Variants in MCC observed in about 807,000 individuals in gnomAD.
MCC encodes MCC regulator of Wnt signaling pathway.
Under a neutral mutation model 116.2 loss-of-function variants are expected in MCC, and 90 were observed. The observed-to-expected ratio is 0.77, with a 90% CI of 0.65 to 0.92. The LOEUF is 0.92. MCC is among the 40% of genes least tolerant of loss of function. The pLI, the probability that MCC is intolerant of heterozygous loss-of-function variation, is 0.00. For missense variants in MCC, 1,516 were observed against 1,312.2 expected (o/e 1.16, Z -2.40); for synonymous variants, 578 against 510.5 (o/e 1.13, Z -1.78).
intron 11 of MCC, among the ~76,000 whole-genome samples, chr5:113,071,730 G>A (rs971928630): frequency 2.0e-5 from 3 of 152,188 alleles, no homozygotes; most frequent in African/African-American, 7.2e-5. Flanking sequence ...GGAAATGGAG[G>A]TCCAGAAACA....
intron 16 of MCC, among the ~76,000 whole-genome samples, chr5:113,045,746 C>G (rs1025652287): frequency 2.0e-5 from 3 of 149,590 alleles, no homozygotes; most frequent in African/African-American, 7.4e-5. Flanking sequence ...CTGCTGTGAG[C>G]TGAGATCGCA....
At chr5:113,147,799 G>A (rs1210553695) in intron 4 of MCC, among the ~76,000 whole-genome samples, 2 of 152,274 alleles carry the variant, frequency 1.3e-5, no homozygotes, top group Admixed American at 1.3e-4. Flanking sequence ...ACGAATAGGA[G>A]AGGAATGGAA....
chr5:113,163,264 A>G (rs1194438202), intron 3 of MCC, among the ~76,000 whole-genome samples: 3 of 152,252 alleles, frequency 2.0e-5, no homozygotes, highest in African/African-American at 7.2e-5. Flanking sequence ...AAGCAAGGAC[A>G]CACACAAAGG....
At chr5:113,252,254 G>C (rs956508392) in intron 3 of MCC, among the ~76,000 whole-genome samples, 5 of 152,150 alleles carry the variant, frequency 3.3e-5, no homozygotes, top group Non-Finnish European at 7.3e-5. Flanking sequence ...CGGGCCCACA[G>C]ATCTGGTACG....
intron 3 of MCC, among the ~76,000 whole-genome samples, chr5:113,152,037 C>T (rs1759907002): frequency 6.6e-6 from 1 of 152,270 alleles, no homozygotes; most frequent in South Asian, 2.1e-4. Context: ...CAGACAGATG[C>T]TTATGTGCTA....
chr5:113,417,585 A>T (rs1156814558), intron 1 of MCC, among the ~76,000 whole-genome samples: 2 of 152,196 alleles, frequency 1.3e-5, no homozygotes, highest in Non-Finnish European at 2.9e-5. Flanking sequence ...TCTAAAAGCC[A>T]ATGACATTAA....
At position 113,478,303 on chromosome 5, in the gene MCC, T is replaced by C. The variant is rs555994141; in HGVS notation, c.170+9942A>G. 1.5e-4 allele frequency among the ~76,000 whole-genome samples: 23 copies of C among 152,244 alleles called. No individual in the cohort carries two copies. The South Asian group carries it at 4.8e-3, about 32-fold the overall frequency. On this transcript the variant is annotated intron_variant, in intron 1 of 18. Coordinates refer to ENST00000408903, the MANE Select transcript of MCC (RefSeq NM_001085377.2). ...AATGTAGAGGCAGCAAGAGTAGAAG[T>C]AGGAGTCTGTTATAATAGACATGGT...
chr5:113,252,334 C>T (rs1179890176), intron 3 of MCC, among the ~76,000 whole-genome samples: 1 of 152,132 alleles, frequency 6.6e-6, no homozygotes, highest in Non-Finnish European at 1.5e-5. Context: ...TACAGCTGCT[C>T]CCCATCACTC....
At chr5:113,259,480 TC>T (rs1173305620) in intron 3 of MCC, among the ~76,000 whole-genome samples, 1 of 152,060 alleles carries the variant, frequency 6.6e-6, no homozygotes, top group African/African-American at 2.4e-5. Context: ...CACCCCTAAG[TC>T]ATTTAACAGA....
intron 3 of MCC, among the ~76,000 whole-genome samples, chr5:113,241,074 G>C (rs1432411112): frequency 6.6e-6 from 1 of 152,104 alleles, no homozygotes; most frequent in Admixed American, 6.5e-5. Flanking sequence ...TGTCATTATA[G>C]GTCATTTAGA....
intron 8 of MCC, among the ~76,000 whole-genome samples, chr5:113,092,347 T>C (rs1000840858): frequency 6.6e-6 from 1 of 152,152 alleles, no homozygotes; most frequent in Admixed American, 6.5e-5. Context: ...AGGCTCCCTC[T>C]AGATGCTGGA....
chr5:113,153,941 C>G (rs1481495599), intron 3 of MCC, among the ~76,000 whole-genome samples: 1 of 152,248 alleles, frequency 6.6e-6, no homozygotes, highest in Non-Finnish European at 1.5e-5. Context: ...CCACAGCACT[C>G]TTTTCTGGCT....
intron 3 of MCC, among the ~76,000 whole-genome samples, chr5:113,283,300 T>C (rs550217482): frequency 6.6e-6 from 1 of 152,272 alleles, no homozygotes; most frequent in South Asian, 2.1e-4. Context: ...ATCCAGAATA[T>C]GCAAAGAAAC....
chr5:113,432,234 C>T (rs933986275), intron 1 of MCC, among the ~76,000 whole-genome samples: 9 of 143,720 alleles, frequency 6.3e-5, no homozygotes, highest in African/African-American at 2.3e-4. Flanking sequence ...AGGAGAATTG[C>T]TTAACCCAGA....
At chr5:113,379,745 G>A (rs1029201080) in intron 2 of MCC, among the ~76,000 whole-genome samples, 1 of 152,080 alleles carries the variant, frequency 6.6e-6, no homozygotes, top group Non-Finnish European at 1.5e-5. Context: ...CTGTTATGAC[G>A]TGTTTGTTCA....
rs1346194397 is a variant in MCC at position 113,176,478 on chromosome 5, AAC to A, written c.628-25058_628-25057del. On this transcript the variant is annotated intron_variant, in intron 3 of 18. Transcript: ENST00000408903. ...CTATTGAAGCTCTAGCATGTTCCTC[AAC>A]ACACAGAGCAAGACACTGTTCTCAA... Among the ~76,000 whole-genome samples, 6 of 152,342 alleles carry A rather than the reference AAC, an allele frequency of 3.9e-5. No individual in the cohort carries two copies. The East Asian group carries it at 1.2e-3, about 29-fold the overall frequency.
At chr5:113,043,676 C>A (rs1320928502) in intron 16 of MCC, 46 bp from the exon 17 acceptor site, 2 of 1,434,802 alleles carry the variant, frequency 1.4e-6, no homozygotes, top group African/African-American at 2.8e-5. Context: ...TCCAAGCCGG[C>A]AGCACCCTGG....
intron 13 of MCC, among the ~76,000 whole-genome samples, chr5:113,065,413 A>G (rs1349624543): frequency 6.6e-6 from 1 of 152,248 alleles, no homozygotes; most frequent in Non-Finnish European, 1.5e-5. Context: ...TGCTGGCTGA[A>G]CAAATCACTG....
intron 2 of MCC, among the ~76,000 whole-genome samples, chr5:113,370,715 T>C (rs918657212): frequency 5.6e-4 from 86 of 152,326 alleles, no homozygotes; most frequent in African/African-American, 1.9e-3. Flanking sequence ...TTTTTGAGAT[T>C]GTATTTCAAA....
Sources: allele counts gnomAD v4.1 joint callset (sites outside exome capture counted in the v4.1 genomes callset), GRCh38; gene constraint gnomAD v4.1.1; transcripts MANE v1.5; gene names NCBI Gene and HGNC (gene_info 2026-07-23, HGNC 2026-07-21).